The following DNAAF8 variants were observed in gnomAD, a reference collection of about 807,000 sequenced individuals.
DNAAF8 encodes the protein dynein axonemal-associated protein 1.
A neutral mutation model predicts 54.6 loss-of-function variants in DNAAF8; 61 were observed. That is an observed-to-expected ratio of 1.12 (90% CI 0.91 to 1.38). The LOEUF is 1.38. Ranked by LOEUF, DNAAF8 falls within the 40% of genes most tolerant of loss-of-function variation. The pLI is 0.00. For synonymous variants in DNAAF8, 320 were observed against 270.1 expected, an observed-to-expected ratio of 1.18 and a Z score of -1.81; for missense variants, 837 against 665.0, an observed-to-expected ratio of 1.26 and a Z score of -2.85.
intron 3 of DNAAF8, among the ~76,000 whole-genome samples, chr16:4,739,265 GTTTTTTTT>G (rs35113323): frequency 5.6e-4 from 39 of 69,044 alleles, no homozygotes; most frequent in South Asian, 1.3e-3. Flanking sequence ...ATTTTTTCTT[GTTTTTTTT>G]TTTTTTTTTT....
At chr16:4,740,839 C>G (rs1257529575) in intron 4 of DNAAF8, among the ~76,000 whole-genome samples, 180 bp downstream of exon 4, 1 of 152,048 alleles carries the variant, frequency 6.6e-6, no homozygotes, top group African/African-American at 2.4e-5. Context: ...AGAGCACATC[C>G]TGGGGGAGGG....
chr16:4,746,599 G>C (rs1457140283), intron 7 of DNAAF8, 87 bp downstream of exon 7: 3 of 1,432,740 alleles, frequency 2.1e-6, no homozygotes, highest in African/African-American at 2.9e-5. Flanking sequence ...GATCCTGATG[G>C]GGAGGAACAG....
chr16:4,736,125 A>G (rs747872304), intron 1 of DNAAF8, among the ~76,000 whole-genome samples: 1 of 152,184 alleles, frequency 6.6e-6, no homozygotes, highest in Non-Finnish European at 1.5e-5. Flanking sequence ...AAATATACCT[A>G]TATATCATTA....
intron 2 of DNAAF8, among the ~76,000 whole-genome samples, chr16:4,737,192 G>A (rs976671398): frequency 6.6e-6 from 1 of 152,136 alleles, no homozygotes; most frequent in Non-Finnish European, 1.5e-5. Context: ...GGCACTGGGC[G>A]TTAAGAGACA....
intron 5 of DNAAF8, 136 bp from the exon 6 acceptor site, chr16:4,744,734 A>T: frequency 9.1e-7 from 1 of 1,100,162 alleles, no homozygotes; most frequent in African/African-American, 1.6e-5. Flanking sequence ...GAGTAGGGAG[A>T]GGGCTGGGCG....
chr16:4,742,384 A>T (rs1349259158), intron 4 of DNAAF8, among the ~76,000 whole-genome samples: 1 of 151,828 alleles, frequency 6.6e-6, no homozygotes, highest in Non-Finnish European at 1.5e-5. Flanking sequence ...GTGAAACCCC[A>T]TCTCTACTAA....
chr16:4,740,494 G>A lies in DNAAF8; in HGVS notation c.618G>A (p.Met206Ile), dbSNP rs773138002. The change falls in exon 4 of 10, where the codon ATG (methionine) becomes ATA (isoleucine). Residue 206 changes from methionine (M) to isoleucine (I), a missense_variant. Physicochemically the swap from Met to Ile is conservative, Grantham distance 10. Transcript: ENST00000299320. ...RRALRQERRK[M>I]IETDILQKVT... Reference sequence around the variant, plus strand: ...CCCTCCGACAGGAGAGAAGGAAGATGATAGAGACGGACATCCTCCAGAAAG... The same window carrying A: ...CCCTCCGACAGGAGAGAAGGAAGATAATAGAGACGGACATCCTCCAGAAAG... The A allele has an allele frequency of 3.7e-6, 6 of 1,614,138 alleles. No homozygotes were observed. The South Asian group carries it at 6.6e-5, about 18-fold the overall frequency.
chr16:4,736,987 C>T (rs766079149), intron 2 of DNAAF8, among the ~76,000 whole-genome samples: 5 of 152,100 alleles, frequency 3.3e-5, no homozygotes, highest in Non-Finnish European at 5.9e-5. Context: ...TCCACTCTCT[C>T]GTGCCAGGAC....
At chr16:4,735,797 A>C (rs1029310662) in intron 1 of DNAAF8, among the ~76,000 whole-genome samples, 5 of 152,118 alleles carry the variant, frequency 3.3e-5, no homozygotes, top group African/African-American at 1.2e-4. Flanking sequence ...CTCTACAAAA[A>C]ATAAAAATGT....
intron 4 of DNAAF8, among the ~76,000 whole-genome samples, chr16:4,741,835 C>A (rs1198177638): frequency 6.6e-6 from 1 of 152,088 alleles, no homozygotes; most frequent in Non-Finnish European, 1.5e-5. Flanking sequence ...GAGAGGAATG[C>A]AGAGATACGC....
At chr16:4,739,982 C>A (rs537215516) in intron 3 of DNAAF8, among the ~76,000 whole-genome samples, 171 bp from the exon 4 acceptor site, 1 of 149,796 alleles carries the variant, frequency 6.7e-6, no homozygotes, top group African/African-American at 2.5e-5. Flanking sequence ...TCGCCTGGGC[C>A]AGGGAAGTCG....
chr16:4,738,114 G>A (rs1253828681), intron 3 of DNAAF8, 168 bp downstream of exon 3: 6 of 837,470 alleles, frequency 7.2e-6, no homozygotes, highest in Admixed American at 3.0e-5. Context: ...TAACCTCCAC[G>A]CACCTCCCTC....
Position 4,740,558 on chromosome 16 carries a change from G to T in DNAAF8, c.682G>T (p.Gly228Cys). 2 of 1,613,972 alleles carry T rather than the reference G, an allele frequency of 1.2e-6. No individual in the cohort carries two copies. Among genetic ancestry groups the T allele is most frequent in the Non-Finnish European group, 1.7e-6 (2 of 1,180,018 alleles). ...DACGPTSSDK[G>C]GVKEAPCHAA... Reference sequence around the variant, plus strand: ...CTGCGGCCCGACCAGCAGTGACAAAGGTGGGGTGAAGGAGGCGCCCTGCCA... The same window carrying T: ...CTGCGGCCCGACCAGCAGTGACAAATGTGGGGTGAAGGAGGCGCCCTGCCA... Residue 228 changes from glycine (G) to cysteine (C), a missense_variant, in exon 4 of 10, where the codon GGT becomes TGT. Physicochemically the swap from Gly to Cys is radical, Grantham distance 159. Transcript: ENST00000299320.
chr16:4,747,355 G>A lies in DNAAF8; in HGVS notation c.1293G>A (p.Gly431=), dbSNP rs118086912. Residue 431 remains glycine, a synonymous_variant, in exon 9 of 10, where the codon GGG becomes GGA. Transcript: ENST00000299320. ...PSSLGLRTCT[G]KSQLLQQLRA... ...CATTGTGTCACAGGACCTGTACCGG[G>A]AAAAGCCAGCTTCTCCAGCAGCTCA... 84,449 of 1,583,848 alleles carry A rather than the reference G, an allele frequency of 0.053. 2,696 individuals are homozygous for A. The highest frequency in any genetic ancestry group is 0.061 in the Non-Finnish European group (71,361 of 1,162,902).
In DNAAF8 at chr16:4,746,931, A is replaced by G; in HGVS notation, c.1186A>G (p.Ser396Gly). 1 of 1,559,022 alleles carries G rather than the reference A, an allele frequency of 6.4e-7. No individual in the cohort carries two copies. Among genetic ancestry groups the G allele is most frequent in the Non-Finnish European group, 8.7e-7 (1 of 1,155,162 alleles). ...LPDHLSPESS[S>G]HSSSDSEEEE... is the part of the protein sequence containing the mutation. Reference sequence around the variant, plus strand: ...AACCCATTTCTCTCCCTGCAGCTCCAGCCACAGCTCCTCTGACAGTGAGGA... The same window carrying G: ...AACCCATTTCTCTCCCTGCAGCTCCGGCCACAGCTCCTCTGACAGTGAGGA... The change falls in exon 8 of 10, where the codon AGC becomes GGC. Residue 396 changes from serine (S) to glycine (G), a missense_variant. Coordinates refer to ENST00000299320, the MANE Select transcript of DNAAF8 (RefSeq NM_139170.3).
chr16:4,740,165 C>T lies in DNAAF8; in HGVS notation c.289C>T (p.Pro97Ser). 1 of 1,604,934 alleles carries T rather than the reference C, an allele frequency of 6.2e-7. No individual in the cohort carries two copies. Among genetic ancestry groups the T allele is most frequent in the Non-Finnish European group, 8.5e-7 (1 of 1,173,892 alleles). ...EESLPEPVLV[P>S]AELATEPGCR... ...GTTTTCTTGACAGCCAGTTCTGGTG[C>T]CTGCAGAATTGGCCACAGAACCTGG... Residue 97 changes from proline to serine, a missense_variant, in exon 4 of 10, where the codon CCT (proline) becomes TCT (serine). Coordinates refer to ENST00000299320, the MANE Select transcript of DNAAF8 (RefSeq NM_139170.3).
intron 4 of DNAAF8, among the ~76,000 whole-genome samples, chr16:4,742,627 G>A (rs2081970725): frequency 6.6e-6 from 1 of 152,138 alleles, no homozygotes; most frequent in Non-Finnish European, 1.5e-5. Context: ...GGCTGAGGCA[G>A]GAGAATCACT....
intron 6 of DNAAF8, 85 bp from the exon 7 acceptor site, chr16:4,746,290 G>C (rs371063233): frequency 1.4e-6 from 2 of 1,412,316 alleles, no homozygotes; most frequent in South Asian, 1.3e-5. Context: ...TGGCAGCCAC[G>C]AGCACTGTGA....
chr16:4,740,296 C>A lies in DNAAF8; in HGVS notation c.420C>A (p.Ala140=), dbSNP rs151268685. 2.5e-6 allele frequency: 4 copies of A among 1,613,906 alleles called. No individual in the cohort carries two copies. Among genetic ancestry groups the A allele is most frequent in the Middle Eastern group, 1.6e-4 (1 of 6,062 alleles). The change falls in exon 4 of 10, where the codon GCC becomes GCA. Residue 140 remains alanine, a synonymous_variant. Transcript: ENST00000299320. ...AGGTCAGCGCTCTTCTTGGGATGGC[C>A]GAGGAGCCCCCCAGGTGGCTGGAAG... is the stretch of plus-strand genomic sequence containing the variant. The part of the protein sequence containing the change: ...SGEVSALLGM[A]EEPPRWLEGD...
Sources: allele counts gnomAD v4.1 joint callset (sites outside exome capture counted in the v4.1 genomes callset), GRCh38; gene constraint gnomAD v4.1.1; transcripts MANE v1.5; gene names NCBI Gene and HGNC (gene_info 2026-07-23, HGNC 2026-07-21).